PAPOLA: variants seen among roughly 807,000 people sequenced by gnomAD.
The protein encoded by PAPOLA is poly(A) polymerase alpha.
PAPOLA carries 15 observed loss-of-function variants against 100.6 expected under a neutral mutation model. The observed-to-expected ratio is 0.15, with a 90% CI of 0.10 to 0.23. The LOEUF (loss-of-function observed/expected upper bound fraction) is 0.23. Among genes scored for constraint, PAPOLA ranks in the 10% least tolerant of loss-of-function variants. PAPOLA has a pLI of 1.00. For synonymous variants in PAPOLA, 293 were observed against 300.0 expected (o/e 0.98, Z 0.24); for missense variants, 533 against 884.2 (o/e 0.60, Z 5.04).
chr14:96,508,695 AAAT>A (rs1896899151), intron 1 of PAPOLA, among the ~76,000 whole-genome samples: 1 of 152,202 alleles, frequency 6.6e-6, no homozygotes, highest in African/African-American at 2.4e-5. Flanking sequence ...CTTTCAGGTA[AAAT>A]GAGACCATTT....
chr14:96,516,211 C>T (rs1320712369), intron 1 of PAPOLA, among the ~76,000 whole-genome samples: 2 of 152,222 alleles, frequency 1.3e-5, no homozygotes, highest in African/African-American at 4.8e-5. Context: ...TAGTCTAGCT[C>T]CTTAAGCTCA....
At chr14:96,533,725 T>C in intron 9 of PAPOLA, 1 of 346,238 alleles carries the variant, frequency 2.9e-6, no homozygotes, top group Non-Finnish European at 4.1e-6. Flanking sequence ...TGGCTAATTT[T>C]TGTATTTTTA....
At chr14:96,503,949 C>G (rs1896528661) in intron 1 of PAPOLA, among the ~76,000 whole-genome samples, 1 of 152,166 alleles carries the variant, frequency 6.6e-6, no homozygotes, top group Non-Finnish European at 1.5e-5. Context: ...AGAAGTCTAT[C>G]ACATTACTTC....
intron 1 of PAPOLA, among the ~76,000 whole-genome samples, chr14:96,508,900 A>G (rs780995293): frequency 1.3e-5 from 2 of 152,202 alleles, no homozygotes; most frequent in Non-Finnish European, 2.9e-5. Context: ...AGAATACCTG[A>G]CCAAGGTCAT....
At chr14:96,513,753 G>A (rs1897253703) in intron 1 of PAPOLA, among the ~76,000 whole-genome samples, 1 of 152,080 alleles carries the variant, frequency 6.6e-6, no homozygotes, top group Admixed American at 6.6e-5. Flanking sequence ...AAAATTGATT[G>A]AAGAATTCTT....
At chr14:96,517,980 A>C (rs970756280) in intron 1 of PAPOLA, among the ~76,000 whole-genome samples, 1 of 152,096 alleles carries the variant, frequency 6.6e-6, no homozygotes, top group African/African-American at 2.4e-5. Flanking sequence ...CTGGGATTAC[A>C]AGTGTGAGAC....
intron 12 of PAPOLA, chr14:96,537,282 A>G: frequency 3.8e-6 from 2 of 521,806 alleles, no homozygotes; most frequent in East Asian, 3.2e-5. Flanking sequence ...CTCCTGCTAC[A>G]TTTGTAGCAA....
chr14:96,535,345 C>T, intron 10 of PAPOLA: 1 of 983,682 alleles, frequency 1.0e-6, no homozygotes, highest in Non-Finnish European at 1.2e-6. Flanking sequence ...TGGAAATGTG[C>T]CACTTACTGA....
intron 16 of PAPOLA, among the ~76,000 whole-genome samples, chr14:96,548,389 A>T (rs1036493954): frequency 1.3e-5 from 2 of 152,164 alleles, no homozygotes; most frequent in Non-Finnish European, 2.9e-5. Flanking sequence ...GAGGTCATGA[A>T]CAGAGGTCAC....
At chr14:96,533,148 ATT>A (rs1399335130) in intron 9 of PAPOLA, 1 of 983,950 alleles carries the variant, frequency 1.0e-6, no homozygotes, top group Non-Finnish European at 1.2e-6. Flanking sequence ...CAAAAAAGGA[ATT>A]TGAGATTAGT....
At chr14:96,502,706 C>T in intron 1 of PAPOLA, 106 bp downstream of exon 1, 2 of 1,283,600 alleles carry the variant, frequency 1.6e-6, no homozygotes, top group East Asian at 2.7e-5. Context: ...GCCCGACCCT[C>T]CCCGCTGGTA....
chr14:96,504,152 GTTA>G (rs1288652627), intron 1 of PAPOLA: 3 of 152,224 alleles, frequency 2.0e-5, no homozygotes, highest in African/African-American at 2.4e-5. Flanking sequence ...TGATGACTGC[GTTA>G]TTAAGTTAAC....
chr14:96,532,067 A>G (rs1478435897), intron 7 of PAPOLA: 14 of 1,278,220 alleles, frequency 1.1e-5, no homozygotes, highest in Non-Finnish European at 1.4e-5. Context: ...CTGAAGTTCA[A>G]ATTGGGGCAG....
At chr14:96,550,840 T>G (rs756857869) in intron 16 of PAPOLA, among the ~76,000 whole-genome samples, 2 of 152,236 alleles carry the variant, frequency 1.3e-5, no homozygotes, top group Non-Finnish European at 2.9e-5. Context: ...ATGTTTTGTT[T>G]GGACTCTTAT....
Position 96,520,042 on chromosome 14 carries a change from A to G in PAPOLA, c.9-13A>G, listed in dbSNP as rs1354782008. ...ATTCTTTTGGCAGTAATTGTATCCA[A>G]TTTTGTTTATAGTCCAGTTACAACA... On this transcript the variant is annotated splice_polypyrimidine_tract_variant and intron_variant, in intron 1 of 21. Coordinates refer to ENST00000216277, the MANE Select transcript of PAPOLA (RefSeq NM_032632.5). 4 of 1,582,098 alleles carry G rather than the reference A, an allele frequency of 2.5e-6. No individual in the cohort carries two copies. The highest frequency in any genetic ancestry group is 2.4e-5 in the South Asian group (2 of 84,868).
At chr14:96,549,349 C>T (rs1248583916) in intron 16 of PAPOLA, among the ~76,000 whole-genome samples, 6 of 151,516 alleles carry the variant, frequency 4.0e-5, no homozygotes, top group South Asian at 4.2e-4. Flanking sequence ...CCTGGGTTCA[C>T]GCCATTCTCC....
At position 96,523,972 on chromosome 14, in the gene PAPOLA, T is replaced by C. The variant is rs77802159; in HGVS notation, c.250-1338T>C. ...AAAAAAAAAAAAAAAATTACACACA[T>C]AACTTGTCTATTAGTGTCTATAGTG... On this transcript the variant is annotated intron_variant, in intron 3 of 21. Coordinates refer to ENST00000216277, the MANE Select transcript of PAPOLA (RefSeq NM_032632.5). Among the ~76,000 whole-genome samples, 1,376 of 151,352 alleles carry C rather than the reference T, an allele frequency of 9.1e-3. 25 individuals carry two copies. The highest frequency in any genetic ancestry group is 0.031 in the African/African-American group (1,300 of 41,276).
At chr14:96,506,811 C>T (rs1169290594) in intron 1 of PAPOLA, among the ~76,000 whole-genome samples, 4 of 152,184 alleles carry the variant, frequency 2.6e-5, no homozygotes, top group South Asian at 4.1e-4. Context: ...AGGGTACATT[C>T]AGAGTGCAAG....
At position 96,555,762 on chromosome 14, in the gene PAPOLA, C is replaced by A. The variant is rs901773212; in HGVS notation, c.1665-85C>A. The A allele has an allele frequency of 4.3e-5, 27 of 632,876 alleles. No homozygotes were observed. The Admixed American group carries it at 8.4e-4, about 20-fold the overall frequency. 39.2% of individuals were successfully genotyped at this position (632,876 alleles called of 1,614,324 possible). On this transcript the variant is annotated intron_variant, in intron 17 of 21. Coordinates refer to ENST00000216277, the MANE Select transcript of PAPOLA (RefSeq NM_032632.5). ...AATCATTTACTTTACAAAATAATTT[C>A]TATATATGTTATAGATTATTGTAAT...
Sources: gnomAD v4.1 joint callset for allele counts (sites outside exome capture counted in the v4.1 genomes callset) on GRCh38, gnomAD v4.1.1 for gene constraint, MANE v1.5 for transcripts, NCBI Gene and HGNC (gene_info 2026-07-23, HGNC 2026-07-21) for gene names.